SARAF: variants seen among roughly 807,000 people sequenced by gnomAD.
SARAF encodes store-operated calcium entry-associated regulatory factor.
In SARAF, 23 loss-of-function variants were observed where a neutral mutation model predicts 39.7. That is an observed-to-expected ratio of 0.58 (90% CI 0.42 to 0.82). The LOEUF (loss-of-function observed/expected upper bound fraction) is 0.82, where lower values mean the gene tolerates loss of function less well. Ranked by LOEUF, SARAF falls within the 40% of genes least tolerant of loss-of-function variation. The pLI, the probability that SARAF is intolerant of heterozygous loss-of-function variation, is 0.00. For missense variants in SARAF, 384 were observed against 418.5 expected (o/e 0.92, Z 0.72); for synonymous variants, 175 against 168.5 (o/e 1.04, Z -0.30).
intron 4 of SARAF, among the ~76,000 whole-genome samples, chr8:30,066,477 G>A (rs1258529112): frequency 5.3e-5 from 8 of 152,246 alleles, no homozygotes; most frequent in African/African-American, 1.9e-4. Flanking sequence ...AAACCAGACT[G>A]TTCCCCAAAT....
intron 2 of SARAF, among the ~76,000 whole-genome samples, chr8:30,071,044 A>T (rs1224768850): frequency 6.6e-6 from 1 of 152,202 alleles, no homozygotes; most frequent in Non-Finnish European, 1.5e-5. Context: ...TTTAACTCTT[A>T]AGATACAAGC....
chr8:30,064,561 A>ATATTTTTTTTTTTTTTTTT (rs1423689069), intron 5 of SARAF, among the ~76,000 whole-genome samples: 3 of 46,236 alleles, frequency 6.5e-5, no homozygotes, highest in African/African-American at 2.2e-4. Flanking sequence ...ATATATATAT[A>ATATTTTTTTTTTTTTTTTT]TTTTTTTTTT....
chr8:30,082,869 AG>A lies in SARAF; in HGVS notation c.80del (p.Pro27LeufsTer16). ...GLHLFLLTAG[P>X]ALGWNDPDRM... ...CACCAGGGTCGTTCCAGCCCAGGGC[AG>A]GGCCCGCGGTCAGCAGAAACAAATG... is the stretch of plus-strand genomic sequence containing the variant. On this transcript the variant is annotated frameshift_variant, in exon 1 of 6. Transcript: ENST00000256255. LOFTEE classifies it high-confidence loss of function. 6.4e-7 allele frequency: 1 copy of A among 1,555,998 alleles called. No homozygotes were observed. The highest frequency in any genetic ancestry group is 8.7e-7 in the Non-Finnish European group (1 of 1,152,424).
intron 5 of SARAF, among the ~76,000 whole-genome samples, chr8:30,064,571 T>C (rs1329016040): frequency 2.0e-5 from 2 of 101,796 alleles, no homozygotes; most frequent in African/African-American, 4.1e-5. Flanking sequence ...ATTTTTTTTT[T>C]TTTTTTTTGA....
chr8:30,070,170 G>T, intron 2 of SARAF, 111 bp from the exon 3 acceptor site: 1 of 980,820 alleles, frequency 1.0e-6, no homozygotes. Context: ...AGCACTTTCG[G>T]AGGCCAAGGC....
intron 2 of SARAF, among the ~76,000 whole-genome samples, chr8:30,071,346 G>A (rs896149291): frequency 2.0e-5 from 3 of 152,084 alleles, no homozygotes; most frequent in Non-Finnish European, 4.4e-5. Flanking sequence ...GGGAGACTCC[G>A]TCTCAAAAAA....
intron 3 of SARAF, 171 bp from the exon 4 acceptor site, chr8:30,067,089 T>C (rs965213225): frequency 2.9e-6 from 2 of 692,326 alleles, no homozygotes; most frequent in African/African-American, 3.6e-5. Flanking sequence ...TACTGGTTTA[T>C]AATGAGGGAG....
intron 4 of SARAF, 120 bp downstream of exon 4, chr8:30,066,657 T>C (rs1215805191): frequency 2.4e-6 from 3 of 1,265,268 alleles, no homozygotes; most frequent in Non-Finnish European, 3.3e-6. Context: ...CAGAGAATCT[T>C]ATTTAATAGG....
chr8:30,064,581 A>G (rs1270319864), intron 5 of SARAF, among the ~76,000 whole-genome samples: 1 of 10,050 alleles, frequency 1.0e-4, no homozygotes, highest in Non-Finnish European at 2.0e-4. Context: ...TTTTTTTTTG[A>G]GACAGAGTTT....
At chr8:30,064,296 G>T (rs1490485672) in intron 5 of SARAF, among the ~76,000 whole-genome samples, 1 of 151,874 alleles carries the variant, frequency 6.6e-6, no homozygotes. Context: ...ATGTGGGGAG[G>T]GTTACGGACT....
intron 1 of SARAF, among the ~76,000 whole-genome samples, chr8:30,076,484 AC>A (rs1801968288): frequency 6.6e-6 from 1 of 152,264 alleles, no homozygotes; most frequent in African/African-American, 2.4e-5. Flanking sequence ...GCAACTGCAC[AC>A]TGATAGCTTC....
intron 3 of SARAF, among the ~76,000 whole-genome samples, chr8:30,067,780 C>T (rs1801726124): frequency 6.6e-6 from 1 of 152,086 alleles, no homozygotes; most frequent in Admixed American, 6.5e-5. Context: ...TATGGATATT[C>T]CACCTCCATT....
intron 2 of SARAF, among the ~76,000 whole-genome samples, chr8:30,073,147 T>C (rs564829424): frequency 6.6e-6 from 1 of 152,322 alleles, no homozygotes; most frequent in East Asian, 1.9e-4. Context: ...AGACCACGCA[T>C]AAAGGTTGTA....
At position 30,070,180 on chromosome 8, in the gene SARAF, C is replaced by T. The variant is rs555619997; in HGVS notation, c.283-121G>A. On this transcript the variant is annotated intron_variant, in intron 2 of 5. Transcript: ENST00000256255. ...ATCTCAGCACTTTCGGAGGCCAAGGCGGGTGGATCACGCGGTCAGGAGTTC... is the reference window on the plus strand; with the variant it reads ...ATCTCAGCACTTTCGGAGGCCAAGGTGGGTGGATCACGCGGTCAGGAGTTC... 71 of 857,462 alleles carry T rather than the reference C, an allele frequency of 8.3e-5. 1 individual carries two copies. The South Asian group carries it at 1.0e-3, about 12-fold the overall frequency. The allele number at this position is 857,462 out of a possible 1,614,324, so 53.1% of individuals were successfully genotyped here.
At position 30,064,545 on chromosome 8, in the gene SARAF, A is replaced by ATTTTTT. The variant is rs1327312959; in HGVS notation, c.995-633_995-632insAAAAAA. The stretch of plus-strand genomic sequence containing the variant: ...ATGTCTTACCTAGCCATATATATAT[A>ATTTTTT]TATATATATATATATATTTTTTTTT... On this transcript the variant is annotated intron_variant, in intron 5 of 5. Coordinates refer to ENST00000256255, the MANE Select transcript of SARAF (RefSeq NM_016127.6). Among the ~76,000 whole-genome samples the ATTTTTT allele has an allele frequency of 2.7e-4, 9 of 32,958 alleles. 1 individual carries two copies. The highest frequency in any genetic ancestry group is 6.4e-4 in the East Asian group (1 of 1,558). The allele number at this position is 32,958 out of a possible 152,430, so 21.6% of individuals were successfully genotyped here.
chr8:30,069,217 G>A (rs1405773842), intron 3 of SARAF, among the ~76,000 whole-genome samples: 1 of 126,674 alleles, frequency 7.9e-6, no homozygotes, highest in African/African-American at 3.1e-5. Flanking sequence ...TCGGCTCACC[G>A]CAACCTCCAC....
intron 1 of SARAF, chr8:30,082,509 A>G: frequency 4.4e-6 from 1 of 229,196 alleles, no homozygotes. Flanking sequence ...CATAACAACA[A>G]AGCAGATGCG....
At chr8:30,068,169 C>T (rs1801734494) in intron 3 of SARAF, among the ~76,000 whole-genome samples, 3 of 152,162 alleles carry the variant, frequency 2.0e-5, no homozygotes, top group African/African-American at 7.2e-5. Context: ...CTGAGCCACA[C>T]AGCAGGAGGT....
At chr8:30,071,575 A>G (rs913944306) in intron 2 of SARAF, among the ~76,000 whole-genome samples, 1 of 152,162 alleles carries the variant, frequency 6.6e-6, no homozygotes, top group Non-Finnish European at 1.5e-5. Flanking sequence ...ATTTTAGAAT[A>G]TTTTCGTCAC....
Sources: allele counts gnomAD v4.1 joint callset (sites outside exome capture counted in the v4.1 genomes callset), GRCh38; gene constraint gnomAD v4.1.1; transcripts MANE v1.5; gene names NCBI Gene and HGNC (gene_info 2026-07-23, HGNC 2026-07-21).